LMO2: variants seen among roughly 807,000 people sequenced by gnomAD.
The protein encoded by LMO2 is rhombotin-2.
Under a neutral mutation model 23.2 loss-of-function variants are expected in LMO2, and 20 were observed. The ratio of observed to expected loss-of-function variants is 0.86; its 90% confidence interval spans 0.61 to 1.25. The LOEUF is 1.25. Among genes scored for constraint, LMO2 ranks in the 50% most tolerant of loss-of-function variants. The pLI is 0.00. For missense variants in LMO2, 270 were observed against 315.3 expected (o/e 0.86, Z 1.09); for synonymous variants, 123 against 130.2 (o/e 0.94, Z 0.38).
At position 33,869,582 on chromosome 11, in the gene LMO2, G is replaced by C; in HGVS notation, c.12C>G (p.Ser4Arg). Residue 4 changes from serine (S) to arginine (R), a missense_variant, in exon 4 of 6, where the codon AGC (serine) becomes AGG (arginine). Physicochemically the swap from Ser to Arg is moderately radical, Grantham distance 110 (BLOSUM62 -1). This residue lies in a region of LMO2 where 170 missense variants were observed against 162.0 expected (regional missense o/e 1.05). Coordinates refer to ENST00000257818, the MANE Select transcript of LMO2 (RefSeq NM_005574.4). MEG[S>R]AVTVLERGGA... ...CTCCGCGCTCAAGGACAGTCACCGC[G>C]CTCCCTTCAAACGCCAAAGAGAGAG... 7.7e-7 allele frequency: 1 copy of C among 1,298,194 alleles called. No individual in the cohort carries two copies. Among genetic ancestry groups the C allele is most frequent in the Non-Finnish European group, 9.9e-7 (1 of 1,011,334 alleles). 80.4% of individuals were successfully genotyped at this position (1,298,194 alleles called of 1,614,324 possible). A position where few individuals can be genotyped will look rare whatever the true frequency, so the allele number is the denominator to read the frequency against.
chr11:33,883,505 A>G (rs1857334757), intron 1 of LMO2, among the ~76,000 whole-genome samples: 1 of 152,204 alleles, frequency 6.6e-6, no homozygotes, highest in Non-Finnish European at 1.5e-5. Context: ...GGAAGTCAAA[A>G]TGAACACATT....
chr11:33,867,608 T>C (rs1856833928), intron 4 of LMO2, among the ~76,000 whole-genome samples: 1 of 152,224 alleles, frequency 6.6e-6, no homozygotes, highest in South Asian at 2.1e-4. Flanking sequence ...ATGGGGAGAA[T>C]GTGCTGCAGC....
At chr11:33,862,101 T>C (rs1426681538) in intron 5 of LMO2, among the ~76,000 whole-genome samples, 2 of 152,116 alleles carry the variant, frequency 1.3e-5, no homozygotes, top group Admixed American at 1.3e-4. Flanking sequence ...GTGCCAGTGA[T>C]TTATGAATGA....
chr11:33,867,754 A>AC (rs927788529), intron 4 of LMO2, among the ~76,000 whole-genome samples: 2 of 152,190 alleles, frequency 1.3e-5, no homozygotes, highest in African/African-American at 4.8e-5. Context: ...TCAGTTTCTA[A>AC]CCTCAGTGAA....
intron 5 of LMO2, among the ~76,000 whole-genome samples, chr11:33,860,209 G>A (rs190911767): frequency 2.6e-5 from 4 of 152,284 alleles, no homozygotes; most frequent in African/African-American, 9.6e-5. Context: ...CTGAGATATG[G>A]AGGACCAACA....
At chr11:33,878,461 A>T (rs1259801956) in intron 2 of LMO2, among the ~76,000 whole-genome samples, 1 of 152,218 alleles carries the variant, frequency 6.6e-6, no homozygotes, top group African/African-American at 2.4e-5. Context: ...ATCTTAGGAA[A>T]ATCTCTGAGC....
chr11:33,871,595 G>T (rs542289912), intron 2 of LMO2, among the ~76,000 whole-genome samples: 35 of 131,808 alleles, frequency 2.7e-4, no homozygotes, highest in African/African-American at 8.5e-4. Flanking sequence ...AAAAAGTTGG[G>T]TTTTTTTTTT....
intron 2 of LMO2, among the ~76,000 whole-genome samples, chr11:33,873,532 A>C (rs2133703953): frequency 1.3e-5 from 2 of 152,340 alleles, no homozygotes; most frequent in Middle Eastern, 6.8e-3. Flanking sequence ...TCCTCCCTTA[A>C]CAACTAGTAC....
At chr11:33,878,629 G>A (rs1410952673) in intron 2 of LMO2, among the ~76,000 whole-genome samples, 4 of 152,202 alleles carry the variant, frequency 2.6e-5, no homozygotes, top group Admixed American at 2.0e-4. Context: ...TTCCTCTCCA[G>A]TCTTCTCTGC....
chr11:33,864,542 G>A lies in LMO2; in HGVS notation c.464+60C>T. On this transcript the variant is annotated intron_variant, in intron 5 of 5. Coordinates refer to ENST00000257818, the MANE Select transcript of LMO2 (RefSeq NM_005574.4). This position sits in a 1 kb window ranked among gnomAD's most constrained non-coding sequence, Gnocchi z 4.8. ...TAAGGGGCAACACACACCGACTGCA[G>A]ATGTCCATGGACCACCCAGCCTCCC... is the stretch of plus-strand genomic sequence containing the variant. The A allele has an allele frequency of 7.1e-7, 1 of 1,417,846 alleles. No homozygotes were observed. The highest frequency in any genetic ancestry group is 2.3e-5 in the East Asian group (1 of 42,748). 87.8% of individuals were successfully genotyped at this position (1,417,846 alleles called of 1,614,324 possible). A position where few individuals can be genotyped will look rare whatever the true frequency, so the allele number is the denominator to read the frequency against.
At chr11:33,861,720 T>C (rs1466354341) in intron 5 of LMO2, among the ~76,000 whole-genome samples, 1 of 152,154 alleles carries the variant, frequency 6.6e-6, no homozygotes, top group Non-Finnish European at 1.5e-5. Context: ...GGGTGTGCGA[T>C]CCTTAAGGAA....
intron 5 of LMO2, among the ~76,000 whole-genome samples, chr11:33,859,789 C>A (rs966069943): frequency 2.6e-5 from 4 of 152,130 alleles, no homozygotes; most frequent in African/African-American, 9.7e-5. Context: ...ATAACTCCTC[C>A]CTTTTCTGAG....
In LMO2 at chr11:33,864,465, G is replaced by T; in HGVS notation, c.464+137C>A. ...TTCTCAGCACAGGAGCTGAGACTCAGCCTCTGCAGTCTGACCTCTTTCTAT... is the reference window on the plus strand; with the variant it reads ...TTCTCAGCACAGGAGCTGAGACTCATCCTCTGCAGTCTGACCTCTTTCTAT... On this transcript the variant is annotated intron_variant, in intron 5 of 5. Transcript: ENST00000257818. This position sits in a 1 kb window ranked among gnomAD's most constrained non-coding sequence, Gnocchi z 4.8. 1.5e-6 allele frequency: 1 copy of T among 656,686 alleles called. No homozygotes were observed. The highest frequency in any genetic ancestry group is 2.6e-6 in the Non-Finnish European group (1 of 384,504). The allele number at this position is 656,686 out of a possible 1,614,324, so 40.7% of individuals were successfully genotyped here.
At chr11:33,875,677 A>C (rs114969177) in intron 2 of LMO2, among the ~76,000 whole-genome samples, 2,060 of 151,106 alleles carry the variant, frequency 0.014, 58 homozygotes, top group African/African-American at 0.047. Flanking sequence ...TCCTTCTTCC[A>C]CCTCAGGCCA....
chr11:33,871,567 CAAAAAAAAA>C (rs58212820), intron 2 of LMO2, among the ~76,000 whole-genome samples: 4 of 52,936 alleles, frequency 7.6e-5, no homozygotes, highest in South Asian at 9.1e-4. Flanking sequence ...GACCCTGTCT[CAAAAAAAAA>C]AAAAAAAAAA....
Position 33,864,920 on chromosome 11 carries a change from T to C in LMO2, c.249-103A>G, listed in dbSNP as rs1261310332. 1.0e-6 allele frequency: 1 copy of C among 1,004,740 alleles called. No homozygotes were observed. The highest frequency in any genetic ancestry group is 1.5e-6 in the Non-Finnish European group (1 of 647,110). The allele number at this position is 1,004,740 out of a possible 1,614,324, so 62.2% of individuals were successfully genotyped here. The stretch of plus-strand genomic sequence containing the variant: ...AGACAGGGCATCTCACCTGACTGCC[T>C]TTCAGTGACCTAAGGGAGAAGGGAC... On this transcript the variant is annotated intron_variant, in intron 4 of 5. Transcript: ENST00000257818. This position sits in a 1 kb window ranked among gnomAD's most constrained non-coding sequence, Gnocchi z 4.8.
intron 1 of LMO2, among the ~76,000 whole-genome samples, chr11:33,886,751 T>G (rs1433358574): frequency 1.3e-5 from 2 of 152,142 alleles, no homozygotes; most frequent in Non-Finnish European, 2.9e-5. Flanking sequence ...AACACGAATG[T>G]TGGGGGGCTC....
At position 33,881,396 on chromosome 11, in the gene LMO2, C is replaced by T. The variant is rs57476644; in HGVS notation, c.-272+428G>A. Reference sequence around the variant, plus strand: ...AACCAAATCTTGAAGGAGGTCTTGGCAGGTTTATGCTAGCCTCTCTATCAC... The same window carrying T: ...AACCAAATCTTGAAGGAGGTCTTGGTAGGTTTATGCTAGCCTCTCTATCAC... On this transcript the variant is annotated intron_variant, in intron 2 of 5. Coordinates refer to ENST00000257818, the MANE Select transcript of LMO2 (RefSeq NM_005574.4). 2.4e-3 allele frequency: 1,110 copies of T among 456,694 alleles called. 11 individuals are homozygous for T. Among genetic ancestry groups the T allele is most frequent in the African/African-American group, 0.019 (948 of 50,182 alleles). The allele number at this position is 456,694 out of a possible 1,614,324, so 28.3% of individuals were successfully genotyped here.
chr11:33,875,146 G>A (rs1056286871), intron 2 of LMO2, among the ~76,000 whole-genome samples: 3 of 152,240 alleles, frequency 2.0e-5, no homozygotes, highest in African/African-American at 4.8e-5. Context: ...TCTGTAAAGC[G>A]GGAGTATTCA....
Sources: allele counts gnomAD v4.1 joint callset (sites outside exome capture counted in the v4.1 genomes callset), GRCh38; gene constraint gnomAD v4.1.1; regional missense constraint gnomAD v4.1.1; non-coding constraint Gnocchi (gnomAD v3.1); transcripts MANE v1.5; gene names NCBI Gene and HGNC (gene_info 2026-07-23, HGNC 2026-07-21).